ARSG: variants seen among roughly 807,000 people sequenced by gnomAD.
The protein encoded by ARSG is ASG.
ARSG carries 37 observed loss-of-function variants against 50.5 expected under a neutral mutation model. The observed-to-expected ratio is 0.73, with a 90% CI of 0.56 to 0.96. ARSG has a LOEUF of 0.96. ARSG is among the 50% of genes least tolerant of loss of function. The probability of loss-of-function intolerance (pLI) is 0.00; values close to 1 mark genes in which losing one functional copy is unlikely to be tolerated. For synonymous variants in ARSG, 225 were observed against 254.6 expected, an observed-to-expected ratio of 0.88 and a Z score of 1.11; for missense variants, 629 against 675.3, an observed-to-expected ratio of 0.93 and a Z score of 0.76.
chr17:68,351,554 A>C (rs368997785), intron 4 of ARSG, 21 bp from the exon 5 acceptor site: 36 of 1,397,292 alleles, frequency 2.6e-5, no homozygotes, highest in African/African-American at 4.3e-5. Flanking sequence ...TGGGGGTGCT[A>C]ACCGGTTGCT....
intron 2 of ARSG, among the ~76,000 whole-genome samples, chr17:68,331,504 A>G (rs1280150438): frequency 6.6e-6 from 1 of 152,064 alleles, no homozygotes; most frequent in Non-Finnish European, 1.5e-5. Context: ...TTGGCCTCCC[A>G]AAGTGCTGGG....
In ARSG at chr17:68,399,362, T is replaced by C. The variant is rs1042313200; in HGVS notation, c.1213-1998T>C. ...TTCAGGGGATGCTATATCAGCACCC[T>C]GTGGGACTTAAGGTAAAGGAATGCT... On this transcript the variant is annotated intron_variant, in intron 10 of 11. Transcript: ENST00000621439. This position sits in a 1 kb window ranked among gnomAD's most constrained non-coding sequence, Gnocchi z 4.6. Among the ~76,000 whole-genome samples, 1 of 152,150 alleles carries C rather than the reference T, an allele frequency of 6.6e-6. No homozygotes were observed. The highest frequency in any genetic ancestry group is 1.5e-5 in the Non-Finnish European group (1 of 68,026).
chr17:68,362,754 T>C (rs183485422), intron 6 of ARSG, among the ~76,000 whole-genome samples: 238 of 152,304 alleles, frequency 1.6e-3, no homozygotes, highest in Middle Eastern at 0.01. Context: ...TGGAGTATTT[T>C]GGATTTTCAG....
chr17:68,445,601 C>G, the ARSG span, among the ~76,000 whole-genome samples: 7 of 152,242 alleles, frequency 4.6e-5, no homozygotes, highest in Non-Finnish European at 1.0e-4. Flanking sequence ...CCAGACCCTT[C>G]TCTTCCTCTC....
chr17:68,331,630 A>G (rs2077775311), intron 2 of ARSG, among the ~76,000 whole-genome samples: 1 of 152,080 alleles, frequency 6.6e-6, no homozygotes. Flanking sequence ...CCAAAGTGCT[A>G]GGATTACAGG....
At chr17:68,431,193 T>G in the ARSG span, among the ~76,000 whole-genome samples, 3 of 152,150 alleles carry the variant, frequency 2.0e-5, no homozygotes, top group South Asian at 6.2e-4. Flanking sequence ...GCAGTTAATA[T>G]GCGGTGCTGC....
chr17:68,305,422 C>T (rs34497818), intron 1 of ARSG, among the ~76,000 whole-genome samples: 46,004 of 152,056 alleles, frequency 0.3, 7,794 homozygotes, highest in East Asian at 0.41. Flanking sequence ...ACGAGCAGTA[C>T]AGGCCTCACA....
rs548090592 is a variant in ARSG, at chr17:68,311,755, C to T, written c.218+4044C>T. ...CCTCAGAGCCTCCAGAAGGTACCAG[C>T]CCGGCCGACATCTTGATTTCAGACT... On this transcript the variant is annotated intron_variant, in intron 2 of 11. Transcript: ENST00000621439. Among the ~76,000 whole-genome samples the T allele has an allele frequency of 5.4e-4, 82 of 151,980 alleles. 1 individual carries two copies. Among genetic ancestry groups the T allele is most frequent in the Non-Finnish European group, 7.7e-4 (52 of 67,964 alleles).
At chr17:68,316,979 C>G (rs1333833468) in intron 2 of ARSG, among the ~76,000 whole-genome samples, 2 of 152,104 alleles carry the variant, frequency 1.3e-5, no homozygotes, top group African/African-American at 4.8e-5. Context: ...ATCCCCAAGT[C>G]AACACCTAAA....
intron 2 of ARSG, among the ~76,000 whole-genome samples, chr17:68,329,786 T>G (rs1283700457): frequency 6.6e-6 from 1 of 152,200 alleles, no homozygotes; most frequent in Admixed American, 6.5e-5. Context: ...TATAAAATAC[T>G]CTAACATTAA....
chr17:68,319,427 A>G lies in ARSG; in HGVS notation c.218+11716A>G, dbSNP rs551326678. ...CCCACCTTTCAACTGGGGCCAGGTA[A>G]GTGCTGAACAAAAGGGACTTCAGGT... On this transcript the variant is annotated intron_variant, in intron 2 of 11. Coordinates refer to ENST00000621439, the MANE Select transcript of ARSG (RefSeq NM_001267727.2). 5.4e-4 allele frequency among the ~76,000 whole-genome samples: 82 copies of G among 152,320 alleles called. 1 individual carries two copies. The highest frequency in any genetic ancestry group is 7.6e-4 in the Non-Finnish European group (52 of 68,036).
intron 9 of ARSG, among the ~76,000 whole-genome samples, chr17:68,392,536 T>G (rs960289075): frequency 5.9e-5 from 9 of 152,126 alleles, no homozygotes; most frequent in Non-Finnish European, 1.3e-4. Flanking sequence ...GTCTTGCTCT[T>G]TCACCCAGGC....
At chr17:68,264,119 A>G (rs1221310008) in intron 1 of ARSG, among the ~76,000 whole-genome samples, 4 of 152,162 alleles carry the variant, frequency 2.6e-5, no homozygotes, top group Non-Finnish European at 4.4e-5. Context: ...CGGCTTCTCA[A>G]AGTGCTGGGT....
chr17:68,260,797 G>A (rs2075060518), intron 1 of ARSG, among the ~76,000 whole-genome samples: 1 of 152,006 alleles, frequency 6.6e-6, no homozygotes, highest in African/African-American at 2.4e-5. Context: ...CCGGCCAAGA[G>A]TTGCAATATT....
At chr17:68,321,372 C>T (rs1483992555) in intron 2 of ARSG, among the ~76,000 whole-genome samples, 1 of 152,174 alleles carries the variant, frequency 6.6e-6, no homozygotes, top group Non-Finnish European at 1.5e-5. Context: ...TCCCATTTAA[C>T]AGAAGGCAAT....
chr17:68,428,029 T>C, the ARSG span, among the ~76,000 whole-genome samples: 1 of 152,206 alleles, frequency 6.6e-6, no homozygotes, highest in Admixed American at 6.5e-5. Flanking sequence ...TAGCTGGGAC[T>C]ACAAGGCATG....
At chr17:68,297,048 C>A (rs1361751638) in intron 1 of ARSG, among the ~76,000 whole-genome samples, 1 of 152,164 alleles carries the variant, frequency 6.6e-6, no homozygotes, top group Non-Finnish European at 1.5e-5. Context: ...CGGAATTATG[C>A]AGTGCATAAA....
chr17:68,402,816 T>C (rs1330195255), intron 11 of ARSG, among the ~76,000 whole-genome samples: 2 of 152,224 alleles, frequency 1.3e-5, no homozygotes, highest in African/African-American at 4.8e-5. Flanking sequence ...TGAGCCACCT[T>C]GCCCAGCCTG....
chr17:68,307,869 TGAA>T (rs1362067312), intron 2 of ARSG, among the ~76,000 whole-genome samples, 158 bp downstream of exon 2: 4 of 152,150 alleles, frequency 2.6e-5, no homozygotes, highest in Non-Finnish European at 5.9e-5. Context: ...CATAGCATCG[TGAA>T]GAAATCCAGC....
Sources: allele counts gnomAD v4.1 joint callset (sites outside exome capture counted in the v4.1 genomes callset), GRCh38; gene constraint gnomAD v4.1.1; non-coding constraint Gnocchi (gnomAD v3.1); transcripts MANE v1.5; gene names NCBI Gene and HGNC (gene_info 2026-07-23, HGNC 2026-07-21).